The following PTPRN2 variants were observed in gnomAD, a reference collection of about 807,000 sequenced individuals.
The protein encoded by PTPRN2 is receptor-type tyrosine-protein phosphatase N2.
A neutral mutation model predicts 118.8 loss-of-function variants in PTPRN2; 74 were observed. The observed-to-expected ratio is 0.62, with a 90% CI of 0.52 to 0.76. The LOEUF (loss-of-function observed/expected upper bound fraction) is 0.76. PTPRN2 is among the 30% of genes least tolerant of loss of function. The pLI is 0.00. For synonymous variants in PTPRN2, 641 were observed against 608.0 expected (o/e 1.05, Z -0.80); for missense variants, 1,481 against 1,394.4 (o/e 1.06, Z -0.99).
At chr7:158,171,066 CATT>C (rs1823523084) in intron 5 of PTPRN2, among the ~76,000 whole-genome samples, 1 of 132,788 alleles carries the variant, frequency 7.5e-6, no homozygotes, top group Non-Finnish European at 1.5e-5. Flanking sequence ...CATATATACA[CATT>C]ATATACACAT....
At chr7:158,446,531 C>T (rs1817738088) in intron 2 of PTPRN2, among the ~76,000 whole-genome samples, 1 of 151,844 alleles carries the variant, frequency 6.6e-6, no homozygotes, top group Non-Finnish European at 1.5e-5. Flanking sequence ...AGCGGGCAGA[C>T]CCCACCCGGA....
intron 5 of PTPRN2, 47 bp downstream of exon 5, chr7:158,192,280 C>A: frequency 7.0e-7 from 1 of 1,429,770 alleles, no homozygotes; most frequent in East Asian, 2.8e-5. Flanking sequence ...TACCTGCACC[C>A]TGAAGGAAAA....
intron 15 of PTPRN2, among the ~76,000 whole-genome samples, chr7:157,606,786 T>C (rs960380843): frequency 1.3e-5 from 2 of 152,232 alleles, no homozygotes; most frequent in African/African-American, 4.8e-5. Flanking sequence ...TTACTTACAG[T>C]TTTTAAAACA....
At chr7:158,573,662 C>T (rs1828169673) in intron 1 of PTPRN2, among the ~76,000 whole-genome samples, 1 of 152,146 alleles carries the variant, frequency 6.6e-6, no homozygotes. Context: ...TGAAACTGGA[C>T]CAGAGACTCT....
chr7:158,018,824 C>T (rs543457098), intron 11 of PTPRN2, among the ~76,000 whole-genome samples: 3 of 151,440 alleles, frequency 2.0e-5, no homozygotes, highest in African/African-American at 7.3e-5. Flanking sequence ...AGCTGGGCGT[C>T]GTGGTAGGTG....
At chr7:158,191,019 T>C (rs1825721001) in intron 5 of PTPRN2, among the ~76,000 whole-genome samples, 1 of 152,240 alleles carries the variant, frequency 6.6e-6, no homozygotes, top group African/African-American at 2.4e-5. Flanking sequence ...ACGTGCCACC[T>C]TGTGGGGCCA....
At chr7:158,560,602 T>C (rs2129450897) in intron 1 of PTPRN2, among the ~76,000 whole-genome samples, 3 of 152,384 alleles carry the variant, frequency 2.0e-5, no homozygotes, top group East Asian at 3.9e-4. Flanking sequence ...GTGTGGCGGT[T>C]CCTCACTGTG....
intron 4 of PTPRN2, among the ~76,000 whole-genome samples, chr7:158,203,954 C>T (rs980446903): frequency 4.0e-5 from 6 of 151,852 alleles, no homozygotes; most frequent in Non-Finnish European, 8.8e-5. Context: ...CAGTGTGCGC[C>T]GCGTGCTGAA....
chr7:157,622,456 G>A lies in PTPRN2; in HGVS notation c.2197-947C>T, dbSNP rs1803313816. Among the ~76,000 whole-genome samples, 1 of 152,160 alleles carries A rather than the reference G, an allele frequency of 6.6e-6. No homozygotes were observed. The highest frequency in any genetic ancestry group is 2.4e-5 in the African/African-American group (1 of 41,446). ...CTGACATCCCCTTCGATTGATCCGA[G>A]GAGCTGGGATGGTCCCTCCCTGCCC... On this transcript the variant is annotated intron_variant, in intron 14 of 22. Transcript: ENST00000389418. The surrounding 1 kb of genome is among the most constrained non-coding windows in gnomAD (Gnocchi z 5.3).
intron 1 of PTPRN2, among the ~76,000 whole-genome samples, chr7:158,556,698 C>G (rs529106167): frequency 1.3e-5 from 2 of 152,160 alleles, no homozygotes; most frequent in African/African-American, 2.4e-5. Flanking sequence ...GCAGCTCCCG[C>G]GCAGGTCAGA....
intron 11 of PTPRN2, among the ~76,000 whole-genome samples, chr7:158,073,861 T>G (rs1314853111): frequency 6.6e-6 from 1 of 152,200 alleles, no homozygotes; most frequent in Non-Finnish European, 1.5e-5. Context: ...GAGAGCCAAG[T>G]GGACAGCAGG....
chr7:158,412,180 G>A (rs1478372036), intron 2 of PTPRN2, among the ~76,000 whole-genome samples: 3 of 112,346 alleles, frequency 2.7e-5, no homozygotes, highest in African/African-American at 1.1e-4. Context: ...CTCAACACCA[G>A]GGCCCATCTC....
Position 157,888,353 on chromosome 7 carries a change from T to C in PTPRN2, c.1788+10320A>G, listed in dbSNP as rs77405057. Among the ~76,000 whole-genome samples, 946 of 152,274 alleles carry C rather than the reference T, an allele frequency of 6.2e-3. 37 individuals carry two copies. The highest frequency in any genetic ancestry group is 0.054 in the Admixed American group (828 of 15,296). On this transcript the variant is annotated intron_variant, in intron 12 of 22. Coordinates refer to ENST00000389418, the MANE Select transcript of PTPRN2 (RefSeq NM_002847.5). ...GACACCTCAGGCTTTTTAGATCCAC[T>C]GTCCAGAGCCTCAGGAGCTGTGATC...
intron 12 of PTPRN2, among the ~76,000 whole-genome samples, chr7:157,749,255 T>C (rs1342774084): frequency 7.0e-6 from 1 of 142,144 alleles, no homozygotes; most frequent in Non-Finnish European, 1.5e-5. Context: ...TTCTGAGGCG[T>C]GCGTCCCTGA....
At chr7:158,031,336 T>C (rs1409363342) in intron 11 of PTPRN2, among the ~76,000 whole-genome samples, 1 of 152,200 alleles carries the variant, frequency 6.6e-6, no homozygotes, top group African/African-American at 2.4e-5. Context: ...ATTTCCAGTA[T>C]CTGACATTTG....
At chr7:157,846,901 C>T (rs1326495901) in intron 12 of PTPRN2, among the ~76,000 whole-genome samples, 1 of 150,424 alleles carries the variant, frequency 6.6e-6, no homozygotes, top group African/African-American at 2.5e-5. Flanking sequence ...CCCTCTCTGA[C>T]TCCATCATGT....
At chr7:158,457,992 T>G (rs530751152) in intron 2 of PTPRN2, among the ~76,000 whole-genome samples, 1 of 152,264 alleles carries the variant, frequency 6.6e-6, no homozygotes, top group East Asian at 1.9e-4. Flanking sequence ...GTTTTAGAAA[T>G]TGGGAGTGAG....
intron 12 of PTPRN2, among the ~76,000 whole-genome samples, chr7:157,816,241 G>A (rs945750547): frequency 6.6e-6 from 1 of 152,134 alleles, no homozygotes; most frequent in Non-Finnish European, 1.5e-5. Flanking sequence ...CTGCTGCCCC[G>A]TGCCTGCCCC....
At chr7:158,441,166 TAGC>T (rs1389968955) in intron 2 of PTPRN2, among the ~76,000 whole-genome samples, 1 of 149,650 alleles carries the variant, frequency 6.7e-6, no homozygotes, top group East Asian at 1.9e-4. Flanking sequence ...GTGATGGTGA[TAGC>T]AGTGGTGGCA....
Sources: allele counts gnomAD v4.1 joint callset (sites outside exome capture counted in the v4.1 genomes callset), GRCh38; gene constraint gnomAD v4.1.1; non-coding constraint Gnocchi (gnomAD v3.1); transcripts MANE v1.5; gene names NCBI Gene and HGNC (gene_info 2026-07-23, HGNC 2026-07-21).